The following RABGAP1 variants were observed in gnomAD, a reference collection of about 807,000 sequenced individuals.
RABGAP1 encodes rab GTPase-activating protein 1.
In RABGAP1, 23 loss-of-function variants were observed where a neutral mutation model predicts 137.6. The ratio of observed to expected loss-of-function variants is 0.17; its 90% confidence interval spans 0.12 to 0.24. The LOEUF (loss-of-function observed/expected upper bound fraction) is 0.24. RABGAP1 is among the 10% of genes least tolerant of loss of function. The probability of loss-of-function intolerance (pLI) is 1.00; values close to 1 mark genes in which losing one functional copy is unlikely to be tolerated. For synonymous variants in RABGAP1, 451 were observed against 450.7 expected, an observed-to-expected ratio of 1.00 and a Z score of -0.01; for missense variants, 906 against 1,275.8, an observed-to-expected ratio of 0.71 and a Z score of 4.42.
chr9:123,009,655 A>G (rs540762220), intron 10 of RABGAP1, among the ~76,000 whole-genome samples: 5 of 152,330 alleles, frequency 3.3e-5, no homozygotes, highest in Admixed American at 6.5e-5. Flanking sequence ...AAAGTTTTAT[A>G]TTCCTGGTTT....
intron 13 of RABGAP1, among the ~76,000 whole-genome samples, chr9:123,064,964 C>A (rs1363213531): frequency 6.6e-6 from 1 of 152,178 alleles, no homozygotes; most frequent in Non-Finnish European, 1.5e-5. Context: ...TCAATTAAAG[C>A]AGCAGTTTTT....
intron 17 of RABGAP1, among the ~76,000 whole-genome samples, chr9:123,075,757 C>T (rs2034489749): frequency 6.6e-6 from 1 of 152,208 alleles, no homozygotes; most frequent in Non-Finnish European, 1.5e-5. Context: ...GCAGCTTAAG[C>T]AGTTTAACTT....
intron 1 of RABGAP1, among the ~76,000 whole-genome samples, chr9:122,954,424 A>G (rs907296743): frequency 4.6e-5 from 7 of 152,250 alleles, no homozygotes; most frequent in African/African-American, 1.4e-4. Flanking sequence ...AAAACAAATA[A>G]TAAAGTATTT....
intron 13 of RABGAP1, among the ~76,000 whole-genome samples, chr9:123,051,358 C>T (rs868867675): frequency 2.6e-4 from 39 of 150,498 alleles, no homozygotes; most frequent in Middle Eastern, 3.4e-3. Flanking sequence ...AGGGCTTCTC[C>T]TGCCTCAGCC....
intron 24 of RABGAP1, among the ~76,000 whole-genome samples, chr9:123,100,300 T>C (rs546457247): frequency 1.3e-5 from 2 of 152,328 alleles, no homozygotes; most frequent in Admixed American, 1.3e-4. Flanking sequence ...GGGAAAGTTC[T>C]GTGCTCATGG....
At chr9:122,951,659 C>T (rs1294249392) in intron 1 of RABGAP1, among the ~76,000 whole-genome samples, 1 of 151,746 alleles carries the variant, frequency 6.6e-6, no homozygotes, top group East Asian at 1.9e-4. Context: ...CAGCCTAGAA[C>T]CCCTGGACTC....
chr9:123,023,688 T>C (rs1012348907), intron 13 of RABGAP1, among the ~76,000 whole-genome samples: 1 of 152,220 alleles, frequency 6.6e-6, no homozygotes, highest in African/African-American at 2.4e-5. Flanking sequence ...TTTCCAGTTT[T>C]AGCTATTATG....
chr9:123,065,311 A>T lies in RABGAP1; in HGVS notation c.1795-37A>T. ...ACCTGAATAAGAGTTTACATGATTA[A>T]CCTAACTAAACCCTCTCTTTCCTTA... On this transcript the variant is annotated intron_variant, in intron 13 of 25. Coordinates refer to ENST00000373647, the MANE Select transcript of RABGAP1 (RefSeq NM_012197.4). 2.1e-6 allele frequency: 3 copies of T among 1,431,514 alleles called. No individual in the cohort carries two copies. In the South Asian group the frequency reaches 3.6e-5, roughly 17 times the overall value. The allele number at this position is 1,431,514 out of a possible 1,614,324, so 88.7% of individuals were successfully genotyped here.
chr9:123,103,588 C>CATATATATAT lies in RABGAP1; in HGVS notation c.*415_*424dup. ...TTCTAAACCTTTTTTTTTTAATATA[C>CATATATATAT]ATATATATATATATATATATATATA... On this transcript the variant is annotated 3_prime_UTR_variant, in exon 26 of 26. Transcript: ENST00000373647. 85 of 44,936 alleles carry CATATATATAT rather than the reference C, an allele frequency of 1.9e-3. No homozygotes were observed. Among genetic ancestry groups the CATATATATAT allele is most frequent in the Non-Finnish European group, 2.8e-3 (58 of 20,866 alleles). The allele number at this position is 44,936 out of a possible 1,614,324, so 2.8% of individuals were successfully genotyped here. A position where few individuals can be genotyped will look rare whatever the true frequency, so the allele number is the denominator to read the frequency against.
At chr9:123,017,967 A>G (rs2031353975) in intron 12 of RABGAP1, among the ~76,000 whole-genome samples, 1 of 152,174 alleles carries the variant, frequency 6.6e-6, no homozygotes, top group South Asian at 2.1e-4. Context: ...TATTAATAGT[A>G]TCTTTGAGCT....
the RABGAP1 span, among the ~76,000 whole-genome samples, chr9:122,933,773 C>T: frequency 1.3e-5 from 2 of 150,836 alleles, no homozygotes; most frequent in Non-Finnish European, 3.0e-5. Context: ...TACAGGTGCA[C>T]GCCACCATGC....
At chr9:123,018,055 G>A (rs1390199416) in intron 12 of RABGAP1, among the ~76,000 whole-genome samples, 2 of 152,084 alleles carry the variant, frequency 1.3e-5, no homozygotes, top group Non-Finnish European at 2.9e-5. Context: ...GTGCAGTGGC[G>A]CGATCTCGGC....
chr9:123,076,403 A>C, intron 18 of RABGAP1, 117 bp downstream of exon 18: 1 of 1,259,814 alleles, frequency 7.9e-7, no homozygotes. Flanking sequence ...ATGACAGTGG[A>C]TGTATGCAGG....
At chr9:123,026,354 C>T (rs2031969324) in intron 13 of RABGAP1, among the ~76,000 whole-genome samples, 1 of 152,066 alleles carries the variant, frequency 6.6e-6, no homozygotes, top group Non-Finnish European at 1.5e-5. Context: ...TAAGTGGTTT[C>T]CTTCTATCCC....
chr9:123,019,310 T>A (rs1162271609), intron 12 of RABGAP1, among the ~76,000 whole-genome samples: 1 of 152,194 alleles, frequency 6.6e-6, no homozygotes, highest in African/African-American at 2.4e-5. Context: ...TTAGAACATA[T>A]AAATATACAA....
intron 19 of RABGAP1, among the ~76,000 whole-genome samples, chr9:123,081,023 T>TTCC (rs2034690710): frequency 6.6e-6 from 1 of 152,072 alleles, no homozygotes; most frequent in African/African-American, 2.4e-5. Context: ...CCAACCCCTC[T>TTCC]TCCTCCTCCT....
chr9:122,970,966 C>T (rs1835435631), intron 2 of RABGAP1, among the ~76,000 whole-genome samples: 1 of 152,202 alleles, frequency 6.6e-6, no homozygotes. Flanking sequence ...AAAGCTGGAA[C>T]TATACATATG....
chr9:123,017,977 T>G (rs2031354411), intron 12 of RABGAP1, among the ~76,000 whole-genome samples: 1 of 152,170 alleles, frequency 6.6e-6, no homozygotes, highest in Non-Finnish European at 1.5e-5. Context: ...ATCTTTGAGC[T>G]CTAATTCTCC....
At chr9:122,998,851 TAAAC>T in intron 10 of RABGAP1, 85 bp downstream of exon 10, 1 of 823,470 alleles carries the variant, frequency 1.2e-6, no homozygotes, top group South Asian at 2.6e-5. Flanking sequence ...CTCAGATCTT[TAAAC>T]AGTCATGTGT....
Sources: allele counts gnomAD v4.1 joint callset (sites outside exome capture counted in the v4.1 genomes callset), GRCh38; gene constraint gnomAD v4.1.1; transcripts MANE v1.5; gene names NCBI Gene and HGNC (gene_info 2026-07-23, HGNC 2026-07-21).